The following LRRTM4 variants were observed in gnomAD, a reference collection of about 807,000 sequenced individuals.
LRRTM4 encodes the protein leucine-rich repeat transmembrane neuronal protein 4.
Under a neutral mutation model 47.6 loss-of-function variants are expected in LRRTM4, and 25 were observed. The observed-to-expected ratio is 0.53, with a 90% CI of 0.38 to 0.73. The LOEUF (loss-of-function observed/expected upper bound fraction) is 0.73, where lower values mean the gene tolerates loss of function less well. Among genes scored for constraint, LRRTM4 ranks in the 30% least tolerant of loss-of-function variants. The pLI, the probability that LRRTM4 is intolerant of heterozygous loss-of-function variation, is 0.00. For synonymous variants in LRRTM4, 311 were observed against 269.5 expected (o/e 1.15, Z -1.51); for missense variants, 638 against 713.4 (o/e 0.89, Z 1.20).
chr2:76,771,464 C>T (rs1673702474), intron 3 of LRRTM4, among the ~76,000 whole-genome samples: 1 of 152,044 alleles, frequency 6.6e-6, no homozygotes, highest in South Asian at 2.1e-4. Context: ...TGAGGTGGGA[C>T]AGTAGCAAGG....
At chr2:77,395,590 A>G (rs979843685) in intron 3 of LRRTM4, among the ~76,000 whole-genome samples, 6 of 151,944 alleles carry the variant, frequency 3.9e-5, no homozygotes, top group African/African-American at 1.4e-4. Context: ...ATAGAATTTT[A>G]TAAGTTGACA....
chr2:77,375,869 A>G lies in LRRTM4; in HGVS notation c.1551+142449T>C, dbSNP rs188777957. 1.1e-3 allele frequency among the ~76,000 whole-genome samples: 170 copies of G among 151,916 alleles called. No homozygotes were observed. In the Middle Eastern group the frequency reaches 0.014, roughly 12 times the overall value. ...TTTAAGCTGTTTCTGCATCTTGGCT[A>G]TAGAAATCACCTTGCATAACTGAAA... On this transcript the variant is annotated intron_variant, in intron 3 of 3. Coordinates refer to ENST00000409884, the MANE Select transcript of LRRTM4 (RefSeq NM_001134745.3).
At chr2:77,178,962 A>G (rs772203212) in intron 3 of LRRTM4, among the ~76,000 whole-genome samples, 23 of 152,232 alleles carry the variant, frequency 1.5e-4, no homozygotes, top group Admixed American at 4.6e-4. Flanking sequence ...ATGAATGTAG[A>G]TATCAATATA....
intron 3 of LRRTM4, among the ~76,000 whole-genome samples, chr2:77,073,233 A>G (rs534633778): frequency 4.6e-5 from 7 of 152,122 alleles, no homozygotes; most frequent in Middle Eastern, 3.4e-3. Context: ...TGACAATACT[A>G]TAAGTATTTT....
At chr2:76,779,797 T>C (rs979768596) in intron 3 of LRRTM4, among the ~76,000 whole-genome samples, 2 of 152,232 alleles carry the variant, frequency 1.3e-5, no homozygotes, top group African/African-American at 2.4e-5. Context: ...AATTTGATCT[T>C]ATCATTATGA....
At chr2:77,246,755 A>C (rs548002458) in intron 3 of LRRTM4, among the ~76,000 whole-genome samples, 2 of 152,204 alleles carry the variant, frequency 1.3e-5, no homozygotes, top group East Asian at 1.9e-4. Flanking sequence ...ATGTGTGTAC[A>C]TATGTATAGT....
intron 3 of LRRTM4, among the ~76,000 whole-genome samples, chr2:77,073,477 G>GT (rs1680231115): frequency 1.3e-5 from 2 of 151,724 alleles, no homozygotes; most frequent in East Asian, 3.9e-4. Context: ...TCCATTATTT[G>GT]TTTTTTCTAT....
rs763635141 is a variant in LRRTM4 at position 77,518,665 on chromosome 2, G to C, written c.1204C>G (p.Pro402Ala). The C allele has an allele frequency of 1.9e-6, 3 of 1,613,468 alleles. No individual in the cohort carries two copies. Among genetic ancestry groups the C allele is most frequent in the Non-Finnish European group, 8.5e-7 (1 of 1,179,646 alleles). Residue 402 changes from proline (P) to alanine (A), a missense_variant, in exon 3 of 4, where the codon CCA becomes GCA. Physicochemically the swap from Pro to Ala is conservative, Grantham distance 27. Transcript: ENST00000409884. ...PDVTQSTFET[P>A]SPSPGFQIPG... ...ATCTGAAACCCTGGGGAAGGGCTTG[G>C]TGTTTCAAAGGTGGATTGGGTGACG... is the stretch of plus-strand genomic sequence containing the variant.
intron 3 of LRRTM4, chr2:77,517,744 T>G (rs928047430): frequency 1.0e-6 from 1 of 983,210 alleles, no homozygotes; most frequent in Admixed American, 6.3e-5. Flanking sequence ...AATTACACAG[T>G]AGGCCTCTGA....
intron 3 of LRRTM4, among the ~76,000 whole-genome samples, chr2:76,822,803 TTTATTTATTTA>T (rs1671090537): frequency 6.6e-6 from 1 of 151,488 alleles, no homozygotes; most frequent in Admixed American, 6.6e-5. Context: ...TTATTTATTA[TTTATTTATTTA>T]TTATTACATA....
chr2:77,005,290 G>A (rs1174427270), intron 3 of LRRTM4, among the ~76,000 whole-genome samples: 1 of 152,120 alleles, frequency 6.6e-6, no homozygotes, highest in East Asian at 1.9e-4. Context: ...GATTATACAT[G>A]CCTGCCACCA....
At chr2:77,501,319 TATGAAAAC>T (rs1422381765) in intron 3 of LRRTM4, among the ~76,000 whole-genome samples, 1 of 150,742 alleles carries the variant, frequency 6.6e-6, no homozygotes, top group Non-Finnish European at 1.5e-5. Flanking sequence ...TATTTGTATA[TATGAAAAC>T]ATATATGAAT....
chr2:77,421,479 G>A (rs1674881096), intron 3 of LRRTM4, among the ~76,000 whole-genome samples: 3 of 152,130 alleles, frequency 2.0e-5, no homozygotes, highest in Middle Eastern at 3.4e-3. Flanking sequence ...AGGCCGAGGC[G>A]GGCGGATCAC....
chr2:77,250,466 A>G (rs1675572880), intron 3 of LRRTM4, among the ~76,000 whole-genome samples: 1 of 152,184 alleles, frequency 6.6e-6, no homozygotes, highest in Admixed American at 6.6e-5. Context: ...GTGAATCTAA[A>G]ACTTCTCTAA....
chr2:76,967,005 C>T (rs1676048039), intron 3 of LRRTM4, among the ~76,000 whole-genome samples: 1 of 151,412 alleles, frequency 6.6e-6, no homozygotes, highest in Admixed American at 6.6e-5. Flanking sequence ...TTTAAAACTG[C>T]CAAATCACCT....
intron 3 of LRRTM4, among the ~76,000 whole-genome samples, chr2:77,145,806 A>AATAAATAAATAAATAAATAC (rs1414210930): frequency 6.7e-6 from 1 of 149,930 alleles, no homozygotes; most frequent in African/African-American, 2.5e-5. Flanking sequence ...TAAATAAATA[A>AATAAATAAATAAATAAATAC]AATAAAAATA....
chr2:76,966,709 G>C (rs1573379041), intron 3 of LRRTM4, among the ~76,000 whole-genome samples: 1 of 151,470 alleles, frequency 6.6e-6, no homozygotes, highest in Middle Eastern at 3.4e-3. Context: ...AAAAATACTA[G>C]TGTCATGCTT....
intron 3 of LRRTM4, among the ~76,000 whole-genome samples, chr2:77,453,902 C>T (rs1676362869): frequency 1.3e-5 from 2 of 151,776 alleles, no homozygotes; most frequent in African/African-American, 4.8e-5. Context: ...TTATACTGGC[C>T]AAATTTTTGT....
At chr2:77,341,195 A>T (rs929527380) in intron 3 of LRRTM4, among the ~76,000 whole-genome samples, 3 of 151,898 alleles carry the variant, frequency 2.0e-5, no homozygotes, top group Non-Finnish European at 4.4e-5. Context: ...AGCTGAACAC[A>T]CCCAGGTAGG....
Sources: allele counts gnomAD v4.1 joint callset (sites outside exome capture counted in the v4.1 genomes callset), GRCh38; gene constraint gnomAD v4.1.1; transcripts MANE v1.5; gene names NCBI Gene and HGNC (gene_info 2026-07-23, HGNC 2026-07-21).